The following PLPP3 variants were observed in gnomAD, a reference collection of about 807,000 sequenced individuals.
The protein encoded by PLPP3 is phospholipid phosphatase 3, also known as PAP2 beta.
Under a neutral mutation model 29.6 loss-of-function variants are expected in PLPP3, and 6 were observed. The ratio of observed to expected loss-of-function variants is 0.20; its 90% confidence interval spans 0.11 to 0.40. The LOEUF (loss-of-function observed/expected upper bound fraction) is 0.40, where lower values mean the gene tolerates loss of function less well. PLPP3 is among the 10% of genes least tolerant of loss of function. The probability of loss-of-function intolerance (pLI) is 1.00; values close to 1 mark genes in which losing one functional copy is unlikely to be tolerated. For synonymous variants in PLPP3, 152 were observed against 159.7 expected (o/e 0.95, Z 0.36); for missense variants, 308 against 407.7 (o/e 0.76, Z 2.11).
At chr1:56,556,999 AAAG>A in intron 1 of PLPP3, among the ~76,000 whole-genome samples, 1 of 7,184 alleles carries the variant, frequency 1.4e-4, no homozygotes, top group African/African-American at 3.7e-4. Context: ...AGAAAGAAAG[AAAG>A]AAAGAAAGAG....
At chr1:56,551,977 T>C (rs1646042478) in intron 1 of PLPP3, among the ~76,000 whole-genome samples, 1 of 152,156 alleles carries the variant, frequency 6.6e-6, no homozygotes, top group Non-Finnish European at 1.5e-5. Context: ...GGGGAGCAGG[T>C]CTAATTAGGC....
chr1:56,502,124 T>C (rs1645671962), intron 5 of PLPP3, among the ~76,000 whole-genome samples: 1 of 152,190 alleles, frequency 6.6e-6, no homozygotes, highest in Admixed American at 6.5e-5. Flanking sequence ...GTAGCCAGGT[T>C]CCTCCTTTCA....
At chr1:56,518,964 T>G (rs1645800665) in intron 4 of PLPP3, among the ~76,000 whole-genome samples, 1 of 151,158 alleles carries the variant, frequency 6.6e-6, no homozygotes, top group South Asian at 2.1e-4. Flanking sequence ...AGGAGGGGGT[T>G]GTCATTCTAA....
chr1:56,539,492 C>T (rs558313409), intron 1 of PLPP3, among the ~76,000 whole-genome samples: 13 of 152,340 alleles, frequency 8.5e-5, no homozygotes, highest in Non-Finnish European at 1.9e-4. Context: ...TGACCCCTAA[C>T]TGCTTCCTGC....
intron 1 of PLPP3, among the ~76,000 whole-genome samples, chr1:56,575,698 T>A (rs2100315019): frequency 6.6e-6 from 1 of 152,354 alleles, no homozygotes; most frequent in South Asian, 2.1e-4. Context: ...TCAGTGTTAG[T>A]CTATCCTTCC....
chr1:56,578,776 A>T, intron 1 of PLPP3, 102 bp downstream of exon 1: 1 of 1,218,134 alleles, frequency 8.2e-7, no homozygotes, highest in South Asian at 3.2e-5. Context: ...CCCGGAGCTG[A>T]CGGCGCGGCG....
intron 1 of PLPP3, among the ~76,000 whole-genome samples, chr1:56,572,414 T>A (rs943676874): frequency 6.6e-6 from 1 of 152,042 alleles, no homozygotes; most frequent in African/African-American, 2.4e-5. Context: ...CAAGTGAGAG[T>A]TGACCCTAAA....
chr1:56,570,684 C>A (rs12566304), intron 1 of PLPP3, among the ~76,000 whole-genome samples: 42,468 of 152,042 alleles, frequency 0.28, 6,812 homozygotes, highest in Middle Eastern at 0.4. Flanking sequence ...TAATCTGAGA[C>A]TGTTTCATCC....
chr1:56,504,429 G>A (rs1342777851), intron 5 of PLPP3, among the ~76,000 whole-genome samples: 2 of 152,142 alleles, frequency 1.3e-5, no homozygotes, highest in African/African-American at 4.8e-5. Flanking sequence ...TGACAGCTCT[G>A]TCTATGGGGT....
intron 2 of PLPP3, among the ~76,000 whole-genome samples, chr1:56,530,203 C>T (rs1645878306): frequency 1.3e-5 from 2 of 151,390 alleles, no homozygotes; most frequent in Non-Finnish European, 2.9e-5. Flanking sequence ...TCTGCTTCTT[C>T]TAGTGGTTCC....
intron 2 of PLPP3, among the ~76,000 whole-genome samples, chr1:56,530,917 G>GGTCA (rs1645883539): frequency 6.6e-6 from 1 of 152,162 alleles, no homozygotes; most frequent in East Asian, 1.9e-4. Context: ...CTTCTGCCTA[G>GGTCA]GTCAGGTTCT....
In PLPP3 at chr1:56,579,089, G is replaced by A. The variant is rs1646258955; in HGVS notation, c.-73C>T. ...ACAGCAGCCACACACCCAGGCGCCC[G>A]GGTCGCCTCCTGGCCGAGGCTGCTG... On this transcript the variant is annotated 5_prime_UTR_variant, in exon 1 of 6. Coordinates refer to ENST00000371250, the MANE Select transcript of PLPP3 (RefSeq NM_003713.5). 3.9e-6 allele frequency: 6 copies of A among 1,552,704 alleles called. 1 individual carries two copies. In the African/African-American group the frequency reaches 4.3e-5, roughly 11 times the overall value.
At chr1:56,534,270 A>G (rs1645908990) in intron 2 of PLPP3, among the ~76,000 whole-genome samples, 1 of 152,204 alleles carries the variant, frequency 6.6e-6, no homozygotes, top group African/African-American at 2.4e-5. Flanking sequence ...CTATTATGCT[A>G]TAATTCCAGA....
intron 5 of PLPP3, among the ~76,000 whole-genome samples, chr1:56,503,464 G>A (rs866831642): frequency 1.3e-5 from 2 of 152,226 alleles, no homozygotes; most frequent in Admixed American, 6.5e-5. Flanking sequence ...CGAGGTGGGC[G>A]GATCACTTCA....
chr1:56,573,611 A>G (rs1456032800), intron 1 of PLPP3, among the ~76,000 whole-genome samples: 4 of 152,226 alleles, frequency 2.6e-5, no homozygotes, highest in Admixed American at 2.0e-4. Context: ...TATCCTGGAG[A>G]AGAGTCCGAG....
rs61772621 is a variant in PLPP3, at chr1:56,543,816, A to G, written c.140-6704T>C. Among the ~76,000 whole-genome samples, 923 of 152,302 alleles carry G rather than the reference A, an allele frequency of 6.1e-3. 3 individuals carry two copies. Among genetic ancestry groups the G allele is most frequent in the Non-Finnish European group, 8.6e-3 (583 of 68,040 alleles). On this transcript the variant is annotated intron_variant, in intron 1 of 5. Coordinates refer to ENST00000371250, the MANE Select transcript of PLPP3 (RefSeq NM_003713.5). ...GCAATTGCTCATTCTTCAGTACTGG[A>G]AAGTTCAGGCCCTTTCTCCACAAAA...
intron 4 of PLPP3, among the ~76,000 whole-genome samples, chr1:56,517,829 C>T (rs551506714): frequency 6.6e-6 from 1 of 152,330 alleles, no homozygotes; most frequent in South Asian, 2.1e-4. Context: ...CACACACTTC[C>T]ATCAACCTCC....
At chr1:56,499,729 C>T (rs1046583690) in intron 5 of PLPP3, among the ~76,000 whole-genome samples, 7 of 152,094 alleles carry the variant, frequency 4.6e-5, no homozygotes, top group African/African-American at 1.2e-4. Flanking sequence ...GATCACGAAA[C>T]GTAATACTGT....
intron 1 of PLPP3, among the ~76,000 whole-genome samples, chr1:56,551,952 G>A (rs545682489): frequency 6.6e-6 from 1 of 152,186 alleles, no homozygotes; most frequent in South Asian, 2.1e-4. Context: ...GCTTAGAGCT[G>A]CAGGTTTGAG....
Sources: gnomAD v4.1 joint callset for allele counts (sites outside exome capture counted in the v4.1 genomes callset) on GRCh38, gnomAD v4.1.1 for gene constraint, MANE v1.5 for transcripts, NCBI Gene and HGNC (gene_info 2026-07-23, HGNC 2026-07-21) for gene names.